The following KNTC1 variants were observed in gnomAD, a reference collection of about 807,000 sequenced individuals.
KNTC1 encodes the protein kinetochore associated 1.
Under a neutral mutation model 314.4 loss-of-function variants are expected in KNTC1, and 253 were observed. The observed-to-expected ratio is 0.80, with a 90% CI of 0.73 to 0.89. The LOEUF (loss-of-function observed/expected upper bound fraction) is 0.89. KNTC1 is among the 40% of genes least tolerant of loss of function. The pLI is 0.00. For missense variants in KNTC1, 2,475 were observed against 2,572.9 expected, an observed-to-expected ratio of 0.96 and a Z score of 0.82; for synonymous variants, 901 against 901.4, an observed-to-expected ratio of 1.00 and a Z score of 0.01.
At chr12:122,586,654 T>C (rs1257133040) in intron 37 of KNTC1, 47 bp from the exon 38 acceptor site, 1 of 918,566 alleles carries the variant, frequency 1.1e-6, no homozygotes, top group Non-Finnish European at 1.6e-6. Flanking sequence ...GGGCTTTTAG[T>C]GTGGCCATCT....
intron 51 of KNTC1, among the ~76,000 whole-genome samples, chr12:122,607,902 C>T (rs1872713206): frequency 6.6e-6 from 1 of 152,086 alleles, no homozygotes; most frequent in African/African-American, 2.4e-5. Flanking sequence ...AGGATCACAC[C>T]AGGAAGCACA....
At chr12:122,562,356 C>T (rs1377148866) in intron 19 of KNTC1, among the ~76,000 whole-genome samples, 2 of 151,730 alleles carry the variant, frequency 1.3e-5, no homozygotes, top group Non-Finnish European at 2.9e-5. Flanking sequence ...AGTGAAAAAA[C>T]TGATTTTAAA....
chr12:122,608,196 G>T (rs776629902), intron 51 of KNTC1, among the ~76,000 whole-genome samples: 1 of 152,102 alleles, frequency 6.6e-6, no homozygotes, highest in Non-Finnish European at 1.5e-5. Context: ...TACAGCCTCC[G>T]CCTCCCCGGC....
intron 16 of KNTC1, among the ~76,000 whole-genome samples, chr12:122,555,109 C>T (rs758802038): frequency 3.3e-5 from 5 of 152,110 alleles, no homozygotes; most frequent in East Asian, 3.9e-4. Context: ...CGTTACTTAA[C>T]CTTTCTTGGG....
At chr12:122,541,535 C>T (rs536620752) in intron 5 of KNTC1, among the ~76,000 whole-genome samples, 31 of 151,316 alleles carry the variant, frequency 2.0e-4, no homozygotes, top group Non-Finnish European at 1.8e-4. Flanking sequence ...TTAGTAGAGA[C>T]GGGGTTTCAC....
intron 43 of KNTC1, among the ~76,000 whole-genome samples, chr12:122,594,943 C>T (rs924142313): frequency 6.6e-6 from 1 of 152,112 alleles, no homozygotes; most frequent in Admixed American, 6.6e-5. Context: ...AGTGCAGTGG[C>T]GTAATCTCAG....
chr12:122,558,142 A>T lies in KNTC1; in HGVS notation c.1488+453A>T, dbSNP rs191201401. On this transcript the variant is annotated intron_variant, in intron 18 of 63. Coordinates refer to ENST00000333479, the MANE Select transcript of KNTC1 (RefSeq NM_014708.6). ...GCACGTGCCTGTAGTTCCAGCTATT[A>T]GGGAGGCTGAGGCACAAGAATCACT... 4.9e-3 allele frequency among the ~76,000 whole-genome samples: 742 copies of T among 152,088 alleles called. 5 individuals are homozygous for T. Among genetic ancestry groups the T allele is most frequent in the Non-Finnish European group, 5.7e-3 (389 of 67,990 alleles).
chr12:122,555,961 CTA>C (rs1963559126), intron 16 of KNTC1, among the ~76,000 whole-genome samples: 1 of 152,160 alleles, frequency 6.6e-6, no homozygotes, highest in Non-Finnish European at 1.5e-5. Flanking sequence ...ATTAACATAA[CTA>C]TCACCTCACT....
chr12:122,578,680 A>G (rs1387773117), intron 31 of KNTC1, among the ~76,000 whole-genome samples: 1 of 152,142 alleles, frequency 6.6e-6, no homozygotes, highest in Non-Finnish European at 1.5e-5. Flanking sequence ...TCGGCCTTCC[A>G]AAGTGCTAGG....
intron 44 of KNTC1, among the ~76,000 whole-genome samples, chr12:122,601,276 G>A (rs1166281451): frequency 6.6e-6 from 1 of 151,522 alleles, no homozygotes; most frequent in African/African-American, 2.4e-5. Flanking sequence ...TAGTAGAGAC[G>A]GGGTTTCACC....
Position 122,547,980 on chromosome 12 carries a change from A to G in KNTC1, c.987+11A>G, listed in dbSNP as rs1305050892. The G allele has an allele frequency of 1.3e-6, 2 of 1,523,278 alleles. No homozygotes were observed. The highest frequency in any genetic ancestry group is 1.8e-6 in the Non-Finnish European group (2 of 1,133,254). The allele number at this position is 1,523,278 out of a possible 1,614,324, so 94.4% of individuals were successfully genotyped here. ...TCAGCTAATAAGAAGGTATTGGAAA[A>G]TTTTATTTTGTGCTTGCCTATATTA... On this transcript the variant is annotated intron_variant, in intron 12 of 63. Transcript: ENST00000333479.
intron 37 of KNTC1, among the ~76,000 whole-genome samples, chr12:122,586,093 T>G (rs1869248669): frequency 6.6e-6 from 1 of 152,062 alleles, no homozygotes; most frequent in Admixed American, 6.6e-5. Flanking sequence ...TTGTTTTGTT[T>G]TGTTTTTGAG....
At chr12:122,586,075 G>C (rs12305449) in intron 37 of KNTC1, among the ~76,000 whole-genome samples, 26 of 150,850 alleles carry the variant, frequency 1.7e-4, no homozygotes, top group Non-Finnish European at 3.7e-4. Flanking sequence ...TTGTGTGTTT[G>C]TTTTGTTTTG....
rs1057319361 is a variant in KNTC1 at position 122,605,465 on chromosome 12, C to T, written c.5496+50C>T. 6.9e-6 allele frequency: 6 copies of T among 870,020 alleles called. No homozygotes were observed. The African/African-American group carries it at 1.0e-4, about 15-fold the overall frequency. The allele number at this position is 870,020 out of a possible 1,614,324, so 53.9% of individuals were successfully genotyped here. A position where few individuals can be genotyped will look rare whatever the true frequency, so the allele number is the denominator to read the frequency against. ...TCTGTAGTTGAGTATGCACTGATGG[C>T]TTCTTCTCAAAGGCTAAATATTTAT... On this transcript the variant is annotated intron_variant, in intron 51 of 63. Coordinates refer to ENST00000333479, the MANE Select transcript of KNTC1 (RefSeq NM_014708.6).
rs1407684748 is a variant in KNTC1 at position 122,539,553 on chromosome 12, A to G, written c.367-123A>G. The stretch of plus-strand genomic sequence containing the variant: ...AATAGTTTTCCATTTTAAAAGTAAG[A>G]TGTTTAGAATATAGGCAGAATTATT... On this transcript the variant is annotated intron_variant, in intron 4 of 63. Transcript: ENST00000333479. 4 of 635,990 alleles carry G rather than the reference A, an allele frequency of 6.3e-6. No homozygotes were observed. The South Asian group carries it at 7.6e-5, about 12-fold the overall frequency. The allele number at this position is 635,990 out of a possible 1,614,324, so 39.4% of individuals were successfully genotyped here. A position where few individuals can be genotyped will look rare whatever the true frequency, so the allele number is the denominator to read the frequency against.
At chr12:122,559,451 G>A (rs1375597334) in intron 18 of KNTC1, among the ~76,000 whole-genome samples, 4 of 151,948 alleles carry the variant, frequency 2.6e-5, no homozygotes, top group African/African-American at 9.7e-5. Context: ...GATATACCAC[G>A]TTTTGTTTCT....
At chr12:122,540,804 T>TCAAAAGAAG (rs1962246524) in intron 5 of KNTC1, among the ~76,000 whole-genome samples, 1 of 152,230 alleles carries the variant, frequency 6.6e-6, no homozygotes, top group Non-Finnish European at 1.5e-5. Flanking sequence ...TAACAATGTT[T>TCAAAAGAAG]TTGCAAATAA....
intron 10 of KNTC1, among the ~76,000 whole-genome samples, chr12:122,547,166 C>T (rs536407133): frequency 3.3e-5 from 5 of 151,672 alleles, no homozygotes; most frequent in African/African-American, 9.7e-5. Flanking sequence ...TAAGAAGACA[C>T]GTAGGCTAGG....
intron 22 of KNTC1, among the ~76,000 whole-genome samples, chr12:122,570,356 T>G (rs1385415754): frequency 6.6e-6 from 1 of 151,912 alleles, no homozygotes; most frequent in Non-Finnish European, 1.5e-5. Flanking sequence ...CTGTGTCTAC[T>G]AAAAATACAA....
Sources: allele counts gnomAD v4.1 joint callset (sites outside exome capture counted in the v4.1 genomes callset), GRCh38; gene constraint gnomAD v4.1.1; transcripts MANE v1.5; gene names NCBI Gene and HGNC (gene_info 2026-07-23, HGNC 2026-07-21).